The following CUL3 variants were observed in gnomAD, a reference collection of about 807,000 sequenced individuals.
CUL3 encodes cullin-3.
Under a neutral mutation model 89.1 loss-of-function variants are expected in CUL3, and 19 were observed. That is an observed-to-expected ratio of 0.21 (90% CI 0.15 to 0.31). The LOEUF (loss-of-function observed/expected upper bound fraction) is 0.31. Among genes scored for constraint, CUL3 ranks in the 10% least tolerant of loss-of-function variants. CUL3 has a pLI of 1.00. For missense variants in CUL3, 469 were observed against 942.3 expected (o/e 0.50, Z 6.58); for synonymous variants, 351 against 308.4 (o/e 1.14, Z -1.45).
At chr2:224,535,175 A>G (rs1375021544) in intron 3 of CUL3, among the ~76,000 whole-genome samples, 3 of 152,070 alleles carry the variant, frequency 2.0e-5, no homozygotes, top group African/African-American at 7.2e-5. Context: ...ACAGAAAGTC[A>G]TTGTGTTTTG....
intron 1 of CUL3, among the ~76,000 whole-genome samples, chr2:224,566,497 C>G (rs768425058): frequency 9.2e-5 from 14 of 152,140 alleles, no homozygotes; most frequent in Non-Finnish European, 1.6e-4. Context: ...CTTTGTGGCA[C>G]TTTTTTCCAG....
intron 2 of CUL3, 112 bp downstream of exon 2, chr2:224,557,547 C>T: frequency 1.5e-6 from 1 of 662,402 alleles, no homozygotes; most frequent in Non-Finnish European, 2.4e-6. Context: ...TTAGTAATTT[C>T]TATAGGCTTC....
chr2:224,478,394 G>A (rs1691401248), intron 14 of CUL3, 49 bp from the exon 15 acceptor site: 3 of 1,562,690 alleles, frequency 1.9e-6, no homozygotes, highest in South Asian at 2.4e-5. Context: ...TTAAAATTTG[G>A]TTTATAAGCA....
In CUL3 at chr2:224,548,970, C is replaced by T. The variant is rs575879116; in HGVS notation, c.264+8689G>A. On this transcript the variant is annotated intron_variant, in intron 2 of 15. Coordinates refer to ENST00000264414, the MANE Select transcript of CUL3 (RefSeq NM_003590.5). Reference sequence around the variant, plus strand: ...TGAACCGAGATTGTGCCAACGTACTCCAGCCTGGGAAACACAATAAGGCCT... The same window carrying T: ...TGAACCGAGATTGTGCCAACGTACTTCAGCCTGGGAAACACAATAAGGCCT... 2.0e-5 allele frequency among the ~76,000 whole-genome samples: 3 copies of T among 151,934 alleles called. No individual in the cohort carries two copies. In the South Asian group the frequency reaches 6.2e-4, roughly 32 times the overall value.
Position 224,500,500 on chromosome 2 carries a change from GA to G in CUL3, c.1486-14del. The G allele has an allele frequency of 6.2e-7, 1 of 1,612,430 alleles. No individual in the cohort carries two copies. The highest frequency in any genetic ancestry group is 8.5e-7 in the Non-Finnish European group (1 of 1,178,954). Reference sequence around the variant, plus strand: ...CACCTAAAGATACCTATGTAAAACAGAAAGAGATATTCCCCTCAAAATTAAC... The same window carrying G: ...CACCTAAAGATACCTATGTAAAACAGAAGAGATATTCCCCTCAAAATTAAC... On this transcript the variant is annotated splice_polypyrimidine_tract_variant and intron_variant, in intron 10 of 15. Transcript: ENST00000264414.
chr2:224,493,929 A>G (rs140010075), intron 13 of CUL3, among the ~76,000 whole-genome samples: 1 of 152,254 alleles, frequency 6.6e-6, no homozygotes, highest in East Asian at 1.9e-4. Context: ...ATCAAATATA[A>G]CTCATGCTTG....
intron 3 of CUL3, among the ~76,000 whole-genome samples, chr2:224,519,835 A>G (rs1359015733): frequency 6.6e-6 from 1 of 152,010 alleles, no homozygotes; most frequent in East Asian, 1.9e-4. Flanking sequence ...TTTAATTTTT[A>G]TGTGTCTATT....
intron 1 of CUL3, among the ~76,000 whole-genome samples, chr2:224,568,685 T>G (rs1427517802): frequency 6.6e-6 from 1 of 152,212 alleles, no homozygotes; most frequent in Non-Finnish European, 1.5e-5. Context: ...CCCAGAAGGC[T>G]GCTTAATCAT....
At chr2:224,576,541 T>G (rs1695302232) in intron 1 of CUL3, among the ~76,000 whole-genome samples, 1 of 152,148 alleles carries the variant, frequency 6.6e-6, no homozygotes, top group Non-Finnish European at 1.5e-5. Context: ...TCAATTACTA[T>G]GGTTTGGCTT....
chr2:224,514,884 T>C (rs966626404), intron 3 of CUL3, 112 bp from the exon 4 acceptor site: 1 of 719,440 alleles, frequency 1.4e-6, no homozygotes, highest in Middle Eastern at 4.0e-4. Flanking sequence ...ATTTTTCAGG[T>C]GAGAAACACT....
In CUL3 at chr2:224,473,402, T is replaced by G. The variant is rs1027821171; in HGVS notation, c.*843A>C. 1 of 191,752 alleles carries G rather than the reference T, an allele frequency of 5.2e-6. No individual in the cohort carries two copies. The highest frequency in any genetic ancestry group is 1.1e-5 in the Non-Finnish European group (1 of 91,482). 11.9% of individuals were successfully genotyped at this position (191,752 alleles called of 1,614,324 possible). A position where few individuals can be genotyped will look rare whatever the true frequency, so the allele number is the denominator to read the frequency against. On this transcript the variant is annotated 3_prime_UTR_variant, in exon 16 of 16. Coordinates refer to ENST00000264414, the MANE Select transcript of CUL3 (RefSeq NM_003590.5). ...TTGTGCTCTGACATACTTGAATTAG[T>G]GGGTATGTGTATACTAAATTCATTA... is the stretch of plus-strand genomic sequence containing the variant.
chr2:224,573,284 A>G (rs568006572), intron 1 of CUL3, among the ~76,000 whole-genome samples: 1 of 152,334 alleles, frequency 6.6e-6, no homozygotes, highest in Non-Finnish European at 1.5e-5. Context: ...TCTATTAACC[A>G]AATTTTTTTA....
At chr2:224,512,261 A>C (rs571669833) in intron 5 of CUL3, among the ~76,000 whole-genome samples, 4 of 152,034 alleles carry the variant, frequency 2.6e-5, no homozygotes, top group African/African-American at 7.2e-5. Context: ...ACGCCCGGCT[A>C]ATTTTTTTGT....
chr2:224,492,556 A>C (rs566043682), intron 13 of CUL3, among the ~76,000 whole-genome samples: 27 of 152,300 alleles, frequency 1.8e-4, no homozygotes, highest in African/African-American at 6.5e-4. Context: ...GCTAATTACT[A>C]AAGTCCAAGG....
At chr2:224,569,956 CAAAAAAAAAAAA>C (rs71062948) in intron 1 of CUL3, 1,690 of 59,578 alleles carry the variant, frequency 0.028, 67 homozygotes, top group Non-Finnish European at 0.043. Flanking sequence ...GCTCCAGTCT[CAAAAAAAAAAAA>C]AAAAAAAAAA....
Position 224,471,864 on chromosome 2 carries a change from C to CTTTT in CUL3, c.*2380_*2381insAAAA. The stretch of plus-strand genomic sequence containing the variant: ...GTTGAAAAACTATGTATCCACCCTC[C>CTTTT]TTAAAAGTCTTCTAATAAATCACCA... On this transcript the variant is annotated 3_prime_UTR_variant, in exon 16 of 16. Coordinates refer to ENST00000264414, the MANE Select transcript of CUL3 (RefSeq NM_003590.5). 4.3e-6 allele frequency: 1 copy of CTTTT among 230,448 alleles called. No individual in the cohort carries two copies. Among genetic ancestry groups the CTTTT allele is most frequent in the Non-Finnish European group, 8.6e-6 (1 of 116,390 alleles). The allele number at this position is 230,448 out of a possible 1,614,324, so 14.3% of individuals were successfully genotyped here.
At chr2:224,550,793 T>C (rs1249329131) in intron 2 of CUL3, among the ~76,000 whole-genome samples, 3 of 152,206 alleles carry the variant, frequency 2.0e-5, no homozygotes, top group Non-Finnish European at 4.4e-5. Flanking sequence ...TTCACCTGAA[T>C]TTCTGGATTA....
intron 3 of CUL3, among the ~76,000 whole-genome samples, chr2:224,532,607 A>G (rs900906612): frequency 6.6e-6 from 1 of 152,206 alleles, no homozygotes; most frequent in Non-Finnish European, 1.5e-5. Context: ...TGTATGAAAG[A>G]TGAGAAAAGG....
intron 1 of CUL3, among the ~76,000 whole-genome samples, chr2:224,584,287 C>CG (rs1424074156): frequency 5.9e-5 from 9 of 151,512 alleles, no homozygotes; most frequent in Non-Finnish European, 1.0e-4. Context: ...GCTTCCCCCC[C>CG]ACCCGGCCTT....
Sources: gnomAD v4.1 joint callset for allele counts (sites outside exome capture counted in the v4.1 genomes callset) on GRCh38, gnomAD v4.1.1 for gene constraint, MANE v1.5 for transcripts, NCBI Gene and HGNC (gene_info 2026-07-23, HGNC 2026-07-21) for gene names.